AKT3: variants seen among roughly 807,000 people sequenced by gnomAD.
AKT3 encodes AKT serine/threonine kinase 3.
Under a neutral mutation model 65.3 loss-of-function variants are expected in AKT3, and 15 were observed. The observed-to-expected ratio is 0.23, with a 90% CI of 0.15 to 0.35. The LOEUF (loss-of-function observed/expected upper bound fraction) is 0.35. AKT3 is among the 10% of genes least tolerant of loss of function. The probability of loss-of-function intolerance (pLI) is 1.00; values close to 1 mark genes in which losing one functional copy is unlikely to be tolerated. For missense variants in AKT3, 243 were observed against 576.5 expected, an observed-to-expected ratio of 0.42 and a Z score of 5.92; for synonymous variants, 206 against 183.8, an observed-to-expected ratio of 1.12 and a Z score of -0.98.
intron 3 of AKT3, among the ~76,000 whole-genome samples, chr1:243,693,293 T>TATATATATAA (rs1684842926): frequency 5.2e-5 from 6 of 114,834 alleles, no homozygotes; most frequent in Non-Finnish European, 8.9e-5. Context: ...TATATATATA[T>TATATATATAA]AACATTTCCC....
intron 3 of AKT3, among the ~76,000 whole-genome samples, chr1:243,668,090 T>G (rs1490532725): frequency 2.0e-5 from 3 of 152,218 alleles, no homozygotes; most frequent in Non-Finnish European, 4.4e-5. Context: ...TTTTAGTATC[T>G]TTTTTGCTTA....
Position 243,733,467 on chromosome 1 carries a change from T to C in AKT3, c.47-37751A>G, listed in dbSNP as rs1408382554. 3.3e-5 allele frequency among the ~76,000 whole-genome samples: 5 copies of C among 152,248 alleles called. No homozygotes were observed. In the South Asian group the frequency reaches 8.3e-4, roughly 25 times the overall value. ...AAAAGGCATAACCTACCAATAGCTT[T>C]AGCTACAGCTGTAACTACATTGCAC... On this transcript the variant is annotated intron_variant, in intron 2 of 13. Transcript: ENST00000673466.
At chr1:243,649,391 T>C (rs982429681) in intron 4 of AKT3, among the ~76,000 whole-genome samples, 6 of 151,278 alleles carry the variant, frequency 4.0e-5, no homozygotes, top group African/African-American at 1.5e-4. Context: ...TATATATATG[T>C]TATGTGTATA....
chr1:243,562,770 T>A (rs903635969), intron 10 of AKT3, among the ~76,000 whole-genome samples: 2 of 152,152 alleles, frequency 1.3e-5, no homozygotes, highest in Admixed American at 1.3e-4. Flanking sequence ...TCCTGATGAC[T>A]CTAGTCTCCA....
chr1:243,491,278 C>A (rs1666349165), intron 13 of AKT3, among the ~76,000 whole-genome samples: 1 of 152,196 alleles, frequency 6.6e-6, no homozygotes, highest in Non-Finnish European at 1.5e-5. Context: ...ATTAAAAAAA[C>A]CCCAAACCTC....
intron 12 of AKT3, among the ~76,000 whole-genome samples, chr1:243,540,955 C>G (rs1467052417): frequency 1.3e-5 from 2 of 152,114 alleles, no homozygotes; most frequent in Non-Finnish European, 2.9e-5. Flanking sequence ...ATCATGGGTT[C>G]CATGAAGTCA....
At chr1:243,570,377 T>C (rs1674472713) in intron 9 of AKT3, among the ~76,000 whole-genome samples, 1 of 152,206 alleles carries the variant, frequency 6.6e-6, no homozygotes, top group Non-Finnish European at 1.5e-5. Context: ...ATAAATATAT[T>C]TGAAACACTC....
chr1:243,526,253 G>A (rs1671069738), intron 12 of AKT3, among the ~76,000 whole-genome samples: 1 of 152,156 alleles, frequency 6.6e-6, no homozygotes. Flanking sequence ...CAGGAGGATA[G>A]ACTGAAACCC....
intron 2 of AKT3, among the ~76,000 whole-genome samples, chr1:243,828,176 C>T (rs1205203371): frequency 3.3e-5 from 5 of 152,070 alleles, no homozygotes; most frequent in Non-Finnish European, 1.5e-5. Context: ...AAGTTGATGT[C>T]AAACTAGTAA....
chr1:243,766,499 T>C lies in AKT3; in HGVS notation c.47-70783A>G, dbSNP rs528224733. ...GAAAGGCAAGACCTTAGGTAGATAT[T>C]GCAGTAATACAGGTAAAGAGATTAG... is the stretch of plus-strand genomic sequence containing the variant. On this transcript the variant is annotated intron_variant, in intron 2 of 13. Coordinates refer to ENST00000673466, the MANE Select transcript of AKT3 (RefSeq NM_005465.7). Among the ~76,000 whole-genome samples, 63 of 152,328 alleles carry C rather than the reference T, an allele frequency of 4.1e-4. No homozygotes were observed. In the South Asian group the frequency reaches 9.5e-3, roughly 23 times the overall value.
intron 12 of AKT3, among the ~76,000 whole-genome samples, chr1:243,533,194 G>A (rs534042394): frequency 9.2e-5 from 14 of 152,096 alleles, no homozygotes; most frequent in Admixed American, 8.5e-4. Flanking sequence ...CCAAAATAAT[G>A]AAGAGGTAAA....
intron 2 of AKT3, among the ~76,000 whole-genome samples, chr1:243,767,303 C>T (rs1689890399): frequency 6.6e-6 from 1 of 152,002 alleles, no homozygotes; most frequent in African/African-American, 2.4e-5. Flanking sequence ...GATAGACACA[C>T]CCAGAAGGCA....
intron 3 of AKT3, among the ~76,000 whole-genome samples, chr1:243,686,649 A>ATATATATATATATATATATATATATT (rs1684332592): frequency 8.9e-5 from 2 of 22,496 alleles, no homozygotes; most frequent in Non-Finnish European, 1.9e-4. Context: ...ATATATATAT[A>ATATATATATATATATATATATATATT]TATTTTTTTT....
At chr1:243,671,243 A>C (rs1295669422) in intron 3 of AKT3, among the ~76,000 whole-genome samples, 2 of 151,930 alleles carry the variant, frequency 1.3e-5, no homozygotes, top group African/African-American at 4.8e-5. Flanking sequence ...ACATCCAGCT[A>C]ATTTTTTTGT....
chr1:243,844,487 A>T (rs867393659), intron 1 of AKT3, among the ~76,000 whole-genome samples: 4 of 151,834 alleles, frequency 2.6e-5, no homozygotes, highest in South Asian at 2.1e-4. Context: ...TCCAAAAAAA[A>T]TTTTTTTTTG....
rs577195690 is a variant in AKT3 at position 243,695,829 on chromosome 1, G to C, written c.47-113C>G. The C allele has an allele frequency of 4.5e-6, 4 of 889,390 alleles. No individual in the cohort carries two copies. In the Admixed American group the frequency reaches 1.3e-4, roughly 28 times the overall value. The allele number at this position is 889,390 out of a possible 1,614,324, so 55.1% of individuals were successfully genotyped here. A position where few individuals can be genotyped will look rare whatever the true frequency, so the allele number is the denominator to read the frequency against. On this transcript the variant is annotated intron_variant, in intron 2 of 13. Coordinates refer to ENST00000673466, the MANE Select transcript of AKT3 (RefSeq NM_005465.7). ...TACAACACTGGCCTCCAAAAATTTA[G>C]TTACTCAATTTTCTTTTAACTTAGC... is the stretch of plus-strand genomic sequence containing the variant.
At chr1:243,662,126 A>G (rs1428663480) in intron 4 of AKT3, among the ~76,000 whole-genome samples, 1 of 152,056 alleles carries the variant, frequency 6.6e-6, no homozygotes, top group African/African-American at 2.4e-5. Flanking sequence ...AACTAGTTCA[A>G]CCATTGTGGA....
Position 243,499,912 on chromosome 1 carries a change from TG to T in AKT3, c.*5336del. 1 of 886,900 alleles carries T rather than the reference TG, an allele frequency of 1.1e-6. No individual in the cohort carries two copies. The highest frequency in any genetic ancestry group is 2.6e-5 in the East Asian group (1 of 38,650). The allele number at this position is 886,900 out of a possible 1,614,324, so 54.9% of individuals were successfully genotyped here. On this transcript the variant is annotated 3_prime_UTR_variant, in exon 14 of 14. Coordinates refer to ENST00000673466, the MANE Select transcript of AKT3 (RefSeq NM_005465.7). The stretch of plus-strand genomic sequence containing the variant: ...ACACCGCCTCAGCCTGCAGTGGGGC[TG>T]GTCCTCATCAACGCGGGCGCTGTCC...
chr1:243,790,743 G>A (rs964237663), intron 2 of AKT3, among the ~76,000 whole-genome samples: 1 of 152,130 alleles, frequency 6.6e-6, no homozygotes, highest in Non-Finnish European at 1.5e-5. Context: ...ACGTGTGATT[G>A]TTCCTTTCAC....
Sources: allele counts gnomAD v4.1 joint callset (sites outside exome capture counted in the v4.1 genomes callset), GRCh38; gene constraint gnomAD v4.1.1; transcripts MANE v1.5; gene names NCBI Gene and HGNC (gene_info 2026-07-23, HGNC 2026-07-21).